The following C4orf51 variants were observed in gnomAD, a reference collection of about 807,000 sequenced individuals.
C4orf51 encodes uncharacterized protein C4orf51.
Under a neutral mutation model 25.2 loss-of-function variants are expected in C4orf51, and 25 were observed. That is an observed-to-expected ratio of 0.99 (90% CI 0.72 to 1.39). C4orf51 has a LOEUF of 1.39. Among genes scored for constraint, C4orf51 ranks in the 40% most tolerant of loss-of-function variants. The probability of loss-of-function intolerance (pLI) is 0.00; values close to 1 mark genes in which losing one functional copy is unlikely to be tolerated. For missense variants in C4orf51, 252 were observed against 239.6 expected, an observed-to-expected ratio of 1.05 and a Z score of -0.34; for synonymous variants, 100 against 84.5, an observed-to-expected ratio of 1.18 and a Z score of -1.01.
the C4orf51 span, among the ~76,000 whole-genome samples, chr4:145,785,232 T>C: frequency 2.4e-4 from 36 of 152,174 alleles, no homozygotes; most frequent in African/African-American, 6.5e-4. Context: ...CTATCATCCA[T>C]AATGATGAGG....
chr4:145,732,453 C>CT lies in C4orf51; in HGVS notation c.504dup (p.His169SerfsTer7), dbSNP rs778735226. ...TGACAACCAGGCCATTTTTCTCCAG[C>CT]TTCATGGACGGTGCGATTCTGAAAG... On this transcript the variant is annotated frameshift_variant and splice_region_variant, in exon 6 of 6. Coordinates refer to ENST00000438731, the MANE Select transcript of C4orf51 (RefSeq NM_001080531.3). LOFTEE classifies it low-confidence loss of function (END_TRUNC). 1.2e-6 allele frequency: 2 copies of CT among 1,605,536 alleles called. No individual in the cohort carries two copies. The highest frequency in any genetic ancestry group is 1.3e-5 in the African/African-American group (1 of 74,748).
In C4orf51 at chr4:145,730,321, C is replaced by T. The variant is rs537138090; in HGVS notation, c.501+356C>T. Among the ~76,000 whole-genome samples, 11 of 152,224 alleles carry T rather than the reference C, an allele frequency of 7.2e-5. No individual in the cohort carries two copies. In the South Asian group the frequency reaches 8.3e-4, roughly 11 times the overall value. On this transcript the variant is annotated intron_variant, in intron 5 of 5. Transcript: ENST00000438731. ...GAGTTCTCAGATAGTCCTGCCCTGC[C>T]GCATATCCACCCTGGTTGCCCGGTG...
the C4orf51 span, among the ~76,000 whole-genome samples, chr4:145,778,661 T>C: frequency 6.6e-6 from 1 of 152,220 alleles, no homozygotes; most frequent in Non-Finnish European, 1.5e-5. Flanking sequence ...ACTTCCTGTC[T>C]TGCTTTTTAA....
rs1362146031 is a variant in C4orf51 at position 145,765,408 on chromosome 4, A to C, written n.167-5580A>C. 8.8e-7 allele frequency: 1 copy of C among 1,140,232 alleles called. No homozygotes were observed. Among genetic ancestry groups the C allele is most frequent in the Non-Finnish European group, 1.2e-6 (1 of 822,164 alleles). 70.6% of individuals were successfully genotyped at this position (1,140,232 alleles called of 1,614,324 possible). A position where few individuals can be genotyped will look rare whatever the true frequency, so the allele number is the denominator to read the frequency against. ...TTCAAATTAAGCCAAAAGAAATACA[A>C]CCTTTAGGTGAGGCCCAGCATACTG... On this transcript the variant is annotated intron_variant and non_coding_transcript_variant, in intron 1 of 1. Coordinates refer to the C4orf51 transcript ENST00000510096. The surrounding 1 kb of genome is among the most constrained non-coding windows in gnomAD (Gnocchi z 4.7).
At chr4:145,764,701 A>G (rs1460633034) in intron 1 of C4orf51, 1 of 412,686 alleles carries the variant, frequency 2.4e-6, no homozygotes, top group Non-Finnish European at 4.4e-6. Flanking sequence ...AAACTCAAGC[A>G]GTGTAGTCTA....
the C4orf51 span, chr4:145,779,347 C>T: frequency 6.2e-7 from 1 of 1,610,396 alleles, no homozygotes; most frequent in Middle Eastern, 1.7e-4. Flanking sequence ...GCATAGAGGG[C>T]TGACAGCCCA....
chr4:145,681,030 A>T (rs1446351363), intron 1 of C4orf51, among the ~76,000 whole-genome samples: 2 of 152,212 alleles, frequency 1.3e-5, no homozygotes, highest in African/African-American at 4.8e-5. Flanking sequence ...TCAGTAAAAT[A>T]GGTTTCCTCC....
At chr4:145,718,628 A>C (rs1381788275) in intron 2 of C4orf51, among the ~76,000 whole-genome samples, 1 of 152,246 alleles carries the variant, frequency 6.6e-6, no homozygotes, top group East Asian at 1.9e-4. Context: ...ATGCATAAAC[A>C]GAATAATCTC....
intron 2 of C4orf51, among the ~76,000 whole-genome samples, chr4:145,724,749 T>G (rs1230587963): frequency 1.3e-5 from 2 of 151,384 alleles, no homozygotes; most frequent in Admixed American, 6.6e-5. Context: ...CTGAGTGTGG[T>G]GGCACATGCC....
intron 1 of C4orf51, among the ~76,000 whole-genome samples, chr4:145,684,714 G>A (rs2126653581): frequency 6.6e-6 from 1 of 152,150 alleles, no homozygotes; most frequent in South Asian, 2.1e-4. Flanking sequence ...GAGGTTTATG[G>A]GAAATCTCTG....
downstream of C4orf51, among the ~76,000 whole-genome samples, chr4:145,773,430 G>A (rs906159231): frequency 8.5e-5 from 13 of 152,190 alleles, no homozygotes; most frequent in Admixed American, 3.3e-4. Flanking sequence ...TGTGTACATC[G>A]TCAGCACAAC....
downstream of C4orf51, chr4:145,758,644 T>C (rs537166423): frequency 6.6e-6 from 1 of 152,350 alleles, no homozygotes; most frequent in East Asian, 1.9e-4. Flanking sequence ...TGGAGTGTAT[T>C]GTCCATAACT....
intron 1 of C4orf51, among the ~76,000 whole-genome samples, chr4:145,764,366 G>A (rs1003856424): frequency 6.6e-6 from 1 of 152,172 alleles, no homozygotes; most frequent in East Asian, 1.9e-4. Flanking sequence ...CAGACACACA[G>A]TACGTTTGAT....
Position 145,691,761 on chromosome 4 carries a change from A to G in C4orf51, c.234-4798A>G, listed in dbSNP as rs566663577. Among the ~76,000 whole-genome samples, 3 of 152,356 alleles carry G rather than the reference A, an allele frequency of 2.0e-5. No individual in the cohort carries two copies. In the East Asian group the frequency reaches 5.8e-4, roughly 29 times the overall value. On this transcript the variant is annotated intron_variant, in intron 1 of 5. Transcript: ENST00000438731. ...CACATGGACATAAAAATGGAACAGT[A>G]GACACTGAGGGCAGAGAGGGAAGGG...
intron 2 of C4orf51, among the ~76,000 whole-genome samples, chr4:145,708,381 T>C (rs1470862212): frequency 2.0e-5 from 3 of 152,176 alleles, no homozygotes; most frequent in Non-Finnish European, 4.4e-5. Context: ...TCTTTCCGTT[T>C]GGGGAGATAC....
At chr4:145,777,499 C>G in the C4orf51 span, among the ~76,000 whole-genome samples, 2 of 152,178 alleles carry the variant, frequency 1.3e-5, no homozygotes, top group African/African-American at 2.4e-5. Context: ...CAAGTTCCCT[C>G]CCCACTTTGG....
the C4orf51 span, among the ~76,000 whole-genome samples, chr4:145,786,902 T>C: frequency 6.6e-6 from 1 of 152,220 alleles, no homozygotes; most frequent in Middle Eastern, 3.2e-3. Context: ...TACCTTGCAG[T>C]GTCACAGCTG....
Position 145,680,220 on chromosome 4 carries a change from A to G in C4orf51, c.17A>G (p.Tyr6Cys). MSHYF[Y>C]LTPQILLPFS... Reference sequence around the variant, plus strand: ...TTCGTAGTTATGTCACACTACTTCTACTTGACTCCACAAATTCTTCTGCCC... The same window carrying G: ...TTCGTAGTTATGTCACACTACTTCTGCTTGACTCCACAAATTCTTCTGCCC... Residue 6 changes from tyrosine to cysteine, a missense_variant, in exon 1 of 6, where the codon TAC (tyrosine) becomes TGC (cysteine). By Grantham distance (194) the Tyr-to-Cys change is radical. Coordinates refer to ENST00000438731, the MANE Select transcript of C4orf51 (RefSeq NM_001080531.3). 4 of 1,613,202 alleles carry G rather than the reference A, an allele frequency of 2.5e-6. No individual in the cohort carries two copies. Among genetic ancestry groups the G allele is most frequent in the Non-Finnish European group, 3.4e-6 (4 of 1,179,168 alleles).
At chr4:145,760,207 A>T (rs1734296130) in intron 1 of C4orf51, 1 of 152,286 alleles carries the variant, frequency 6.6e-6, no homozygotes, top group Non-Finnish European at 1.5e-5. Context: ...AAAGGTGATG[A>T]AGGAGCACAG....
Sources: gnomAD v4.1 joint callset for allele counts (sites outside exome capture counted in the v4.1 genomes callset) on GRCh38, gnomAD v4.1.1 for gene constraint, Gnocchi (gnomAD v3.1) non-coding constraint, MANE v1.5 for transcripts, NCBI Gene and HGNC (gene_info 2026-07-23, HGNC 2026-07-21) for gene names.